The following RAB27A variants were observed in gnomAD, a reference collection of about 807,000 sequenced individuals.
The protein encoded by RAB27A is RAB27A, member RAS oncogene family.
In RAB27A, 17 loss-of-function variants were observed where a neutral mutation model predicts 20.8. That is an observed-to-expected ratio of 0.82 (90% CI 0.56 to 1.23). The LOEUF (loss-of-function observed/expected upper bound fraction) is 1.23. Ranked by LOEUF, RAB27A falls within the 50% of genes most tolerant of loss-of-function variation. RAB27A has a pLI of 0.00. For synonymous variants in RAB27A, 85 were observed against 92.8 expected (o/e 0.92, Z 0.48); for missense variants, 277 against 266.7 (o/e 1.04, Z -0.27).
intron 2 of RAB27A, among the ~76,000 whole-genome samples, chr15:55,256,279 T>C (rs1897076147): frequency 6.6e-6 from 1 of 151,798 alleles, no homozygotes; most frequent in African/African-American, 2.4e-5. Context: ...CAAGGTGAGG[T>C]GGCCTGTGCC....
chr15:55,243,104 T>C (rs1896555526), intron 2 of RAB27A, among the ~76,000 whole-genome samples: 1 of 152,196 alleles, frequency 6.6e-6, no homozygotes, highest in Non-Finnish European at 1.5e-5. Flanking sequence ...AGAGTCCCTC[T>C]ATCAAGAAGC....
rs560977842 is a variant in RAB27A at position 55,252,609 on chromosome 15, C to T, written c.-23+17556G>A. Among the ~76,000 whole-genome samples, 6 of 151,750 alleles carry T rather than the reference C, an allele frequency of 4.0e-5. No homozygotes were observed. In the South Asian group the frequency reaches 8.3e-4, roughly 21 times the overall value. On this transcript the variant is annotated intron_variant, in intron 2 of 6. Transcript: ENST00000336787. ...AGAGTGAGATTCCATCTCAAAAAAA[C>T]GTACAGAATAAAATAATAATTCATC...
At position 55,234,779 on chromosome 15, in the gene RAB27A, T is replaced by C; in HGVS notation, c.153+3A>G. The C allele has an allele frequency of 6.2e-7, 1 of 1,608,000 alleles. No homozygotes were observed. Among genetic ancestry groups the C allele is most frequent in the Non-Finnish European group, 8.5e-7 (1 of 1,174,852 alleles). ...TTTTTACATAGAAGGATATAGAACT[T>C]ACCACTCTTTTTTCCCTGAAATCAA... On this transcript the variant is annotated splice_donor_region_variant and intron_variant, in intron 3 of 6. Coordinates refer to ENST00000336787, the MANE Select transcript of RAB27A (RefSeq NM_183235.3).
At chr15:55,284,620 G>A (rs1898100585) in intron 1 of RAB27A, among the ~76,000 whole-genome samples, 1 of 152,218 alleles carries the variant, frequency 6.6e-6, no homozygotes, top group African/African-American at 2.4e-5. Flanking sequence ...TGGATCTGGG[G>A]ACTGAAGGAC....
intron 4 of RAB27A, among the ~76,000 whole-genome samples, chr15:55,229,127 A>C (rs1241168757): frequency 6.6e-6 from 1 of 152,156 alleles, no homozygotes; most frequent in East Asian, 1.9e-4. Flanking sequence ...GAAGGTAAGA[A>C]TCTCTTGACT....
chr15:55,209,880 G>GTATATATACGTATATACACACATA (rs1894869504), intron 6 of RAB27A, among the ~76,000 whole-genome samples: 1 of 106,780 alleles, frequency 9.4e-6, no homozygotes, highest in African/African-American at 5.4e-5. Flanking sequence ...ACATATATGT[G>GTATATATACGTATATACACACATA]TGTGTATACA....
At chr15:55,232,591 G>T (rs12324775) in intron 3 of RAB27A, among the ~76,000 whole-genome samples, 18,550 of 151,966 alleles carry the variant, frequency 0.12, 1,423 homozygotes, top group Admixed American at 0.19. Flanking sequence ...GTAACATAGC[G>T]GTCCTCTAAA....
intron 2 of RAB27A, among the ~76,000 whole-genome samples, chr15:55,295,511 C>A (rs141666296): frequency 0.031 from 4,647 of 152,132 alleles, 238 homozygotes; most frequent in African/African-American, 0.11. Context: ...TTTTATTCAG[C>A]CATAAAGAGG....
At chr15:55,231,922 T>A (rs1043724758) in intron 3 of RAB27A, among the ~76,000 whole-genome samples, 26 of 151,886 alleles carry the variant, frequency 1.7e-4, no homozygotes, top group East Asian at 9.7e-4. Flanking sequence ...AAAAAAAAAA[T>A]TTAAAGAAAA....
intron 2 of RAB27A, among the ~76,000 whole-genome samples, chr15:55,255,594 C>G (rs1897049887): frequency 6.6e-6 from 1 of 152,120 alleles, no homozygotes; most frequent in African/African-American, 2.4e-5. Context: ...AGAAGTGACT[C>G]AAAAAGTGTT....
Position 55,310,515 on chromosome 15 carries a change from T to C in RAB27A, c.-112+3524A>G, listed in dbSNP as rs1205021659. On this transcript the variant is annotated intron_variant, in intron 2 of 5. Coordinates refer to the RAB27A transcript ENST00000563262. ...GGACGAGGGGGTGGCTTATTTCTAT[T>C]TGGACAATCTTTTTTAAAGTGTCCT... Among the ~76,000 whole-genome samples, 4 of 152,234 alleles carry C rather than the reference T, an allele frequency of 2.6e-5. No homozygotes were observed. In the East Asian group the frequency reaches 7.7e-4, roughly 29 times the overall value.
intron 2 of RAB27A, among the ~76,000 whole-genome samples, chr15:55,247,687 A>T (rs990947957): frequency 5.3e-5 from 8 of 152,214 alleles, no homozygotes; most frequent in African/African-American, 1.7e-4. Context: ...TCCAAGAAAC[A>T]TGATGAATTA....
At chr15:55,316,471 C>G (rs1013578727) in intron 1 of RAB27A, among the ~76,000 whole-genome samples, 1 of 151,460 alleles carries the variant, frequency 6.6e-6, no homozygotes, top group African/African-American at 2.4e-5. Context: ...GGACAAATAC[C>G]TAATGCCTGC....
At chr15:55,275,928 A>AAAC (rs1375528007) in intron 1 of RAB27A, among the ~76,000 whole-genome samples, 1 of 149,590 alleles carries the variant, frequency 6.7e-6, no homozygotes, top group African/African-American at 2.4e-5. Context: ...TAAAAAAAAA[A>AAAC]AAAAAAAAAA....
At chr15:55,268,659 G>T (rs1479968434) in intron 2 of RAB27A, among the ~76,000 whole-genome samples, 1 of 152,178 alleles carries the variant, frequency 6.6e-6, no homozygotes, top group African/African-American at 2.4e-5. Flanking sequence ...TGGGTTAGTA[G>T]ACAGGAACCA....
intron 2 of RAB27A, among the ~76,000 whole-genome samples, chr15:55,309,000 G>T (rs1003324309): frequency 1.3e-5 from 2 of 152,092 alleles, no homozygotes; most frequent in East Asian, 1.9e-4. Context: ...GCTATTCCTG[G>T]TTTTTTTATG....
At chr15:55,286,791 A>C (rs1176044245) in intron 1 of RAB27A, among the ~76,000 whole-genome samples, 4 of 152,022 alleles carry the variant, frequency 2.6e-5, no homozygotes, top group African/African-American at 9.7e-5. Context: ...AGTGTGGAGC[A>C]GTAAGGGTGG....
intron 6 of RAB27A, among the ~76,000 whole-genome samples, chr15:55,207,038 G>A (rs1894686273): frequency 6.6e-6 from 1 of 152,132 alleles, no homozygotes; most frequent in Admixed American, 6.6e-5. Context: ...AATTACATTT[G>A]TGAAAAAATG....
At chr15:55,224,342 A>C (rs1566906157) in intron 5 of RAB27A, among the ~76,000 whole-genome samples, 1 of 152,238 alleles carries the variant, frequency 6.6e-6, no homozygotes, top group Non-Finnish European at 1.5e-5. Context: ...TATGAAGGCT[A>C]TTTGAAAAGA....
Sources: allele counts gnomAD v4.1 joint callset (sites outside exome capture counted in the v4.1 genomes callset), GRCh38; gene constraint gnomAD v4.1.1; transcripts MANE v1.5; gene names NCBI Gene and HGNC (gene_info 2026-07-23, HGNC 2026-07-21).